Variants in IL1RAPL2 observed in about 807,000 individuals in gnomAD.
IL1RAPL2 encodes the protein X-linked interleukin-1 receptor accessory protein-like 2.
A neutral mutation model predicts 44.1 loss-of-function variants in IL1RAPL2; 3 were observed. That is an observed-to-expected ratio of 0.07 (90% confidence interval 0.03 to 0.18). IL1RAPL2 has a LOEUF of 0.18. Ranked by LOEUF, IL1RAPL2 falls within the 10% of genes least tolerant of loss-of-function variation. IL1RAPL2 has a pLI of 1.00. For synonymous variants in IL1RAPL2, 181 were observed against 178.8 expected (o/e 1.01, Z -0.10); for missense variants, 391 against 496.4 (o/e 0.79, Z 2.02).
chrX:104,569,795 A>G (rs1269888475), intron 1 of IL1RAPL2, among the ~76,000 whole-genome samples: 1 of 112,527 alleles, frequency 8.9e-6, no homozygotes, highest in Non-Finnish European at 1.9e-5. Flanking sequence ...GGTTGAAATG[A>G]TCGTATACTT....
intron 6 of IL1RAPL2, among the ~76,000 whole-genome samples, chrX:105,622,014 T>A (rs1172250878): frequency 9.1e-6 from 1 of 109,977 alleles, no homozygotes; most frequent in African/African-American, 3.3e-5. Flanking sequence ...CAGTGGCACT[T>A]ACTCCTCTTC....
At position 105,285,169 on chromosome X, in the gene IL1RAPL2, A is replaced by G. The variant is rs140355813; in HGVS notation, c.697+17628A>G. Among the ~76,000 whole-genome samples the G allele has an allele frequency of 8.0e-3, 893 of 111,501 alleles. 8 individuals are homozygous for G. The highest frequency in any genetic ancestry group is 0.013 in the Non-Finnish European group (713 of 53,146). On this transcript the variant is annotated intron_variant, in intron 5 of 10. Transcript: ENST00000372582. The stretch of plus-strand genomic sequence containing the variant: ...TATTTTCTCATTTTAACTCAACTCA[A>G]TGAAGATCTTCTGAGTATCTTTTCT...
intron 2 of IL1RAPL2, among the ~76,000 whole-genome samples, chrX:104,709,243 C>T (rs1341587134): frequency 4.6e-5 from 5 of 109,204 alleles, no homozygotes; most frequent in Non-Finnish European, 7.6e-5. Flanking sequence ...AGAGAAGACA[C>T]TCTGAAATTT....
chrX:104,905,857 T>G (rs1318373698), intron 2 of IL1RAPL2, among the ~76,000 whole-genome samples: 2 of 110,849 alleles, frequency 1.8e-5, no homozygotes, highest in African/African-American at 6.6e-5. Flanking sequence ...ATTGGTAGCT[T>G]GATGGGGATG....
At chrX:104,992,232 A>G (rs12687147) in intron 2 of IL1RAPL2, among the ~76,000 whole-genome samples, 46,333 of 110,000 alleles carry the variant, frequency 0.42, 7,146 homozygotes, top group East Asian at 0.46. Context: ...GATACTAAGT[A>G]GAGAGTGACA....
rs1050054081 is a variant in IL1RAPL2, at chrX:105,398,496, G to A, written c.698-85817G>A. 5.4e-5 allele frequency among the ~76,000 whole-genome samples: 6 copies of A among 110,259 alleles called. No individual in the cohort carries two copies. In the East Asian group the frequency reaches 1.7e-3, roughly 32 times the overall value. On this transcript the variant is annotated intron_variant, in intron 5 of 10. Coordinates refer to ENST00000372582, the MANE Select transcript of IL1RAPL2 (RefSeq NM_017416.2). The stretch of plus-strand genomic sequence containing the variant: ...AAAGATATATTTGATTTTTTTGTGT[G>A]TGTGTGTATGTAATTAGGAATGACC...
At chrX:105,197,471 T>A (rs1488243453) in intron 3 of IL1RAPL2, among the ~76,000 whole-genome samples, 2 of 111,881 alleles carry the variant, frequency 1.8e-5, no homozygotes, top group Non-Finnish European at 1.9e-5. Flanking sequence ...TTACAATGAA[T>A]TATTAAACAA....
intron 2 of IL1RAPL2, among the ~76,000 whole-genome samples, chrX:104,784,865 CAGG>C (rs1932790604): frequency 9.1e-6 from 1 of 109,691 alleles, no homozygotes; most frequent in African/African-American, 3.3e-5. Context: ...AGAGCAGAGG[CAGG>C]AGAAGAAGTT....
At chrX:105,244,197 A>C (rs1333743554) in intron 4 of IL1RAPL2, among the ~76,000 whole-genome samples, 1 of 111,170 alleles carries the variant, frequency 9.0e-6, no homozygotes, top group Non-Finnish European at 1.9e-5. Context: ...GAAGGAACTC[A>C]GTTCTTCAGA....
At chrX:104,822,075 C>T (rs1188076185) in intron 2 of IL1RAPL2, among the ~76,000 whole-genome samples, 1 of 111,667 alleles carries the variant, frequency 9.0e-6, no homozygotes, top group Non-Finnish European at 1.9e-5. Flanking sequence ...ATCCTTTGCC[C>T]AGTTTCTGAT....
intron 2 of IL1RAPL2, among the ~76,000 whole-genome samples, chrX:104,735,781 A>C (rs1331703779): frequency 9.0e-6 from 1 of 111,497 alleles, no homozygotes; most frequent in African/African-American, 3.3e-5. Context: ...TCATTGTGTC[A>C]AACTATGATG....
intron 2 of IL1RAPL2, among the ~76,000 whole-genome samples, chrX:105,039,404 C>T (rs1217524786): frequency 2.7e-5 from 3 of 111,809 alleles, no homozygotes; most frequent in Admixed American, 9.5e-5. Context: ...TCCAAGTCTG[C>T]ACAAATGTAA....
At chrX:105,219,916 A>G in intron 3 of IL1RAPL2, 1 of 1,133,037 alleles carries the variant, frequency 8.8e-7, no homozygotes, top group Non-Finnish European at 1.2e-6. Flanking sequence ...GGTACTGGGC[A>G]GGGACCAGTT....
chrX:104,929,091 T>C (rs895484866), intron 2 of IL1RAPL2, among the ~76,000 whole-genome samples: 6 of 111,264 alleles, frequency 5.4e-5, no homozygotes, highest in Admixed American at 9.6e-5. Context: ...AAAATCAAGG[T>C]TATACTTTCC....
intron 2 of IL1RAPL2, among the ~76,000 whole-genome samples, chrX:105,145,756 A>T (rs2033174014): frequency 9.0e-6 from 1 of 111,048 alleles, no homozygotes; most frequent in South Asian, 3.8e-4. Flanking sequence ...TTTGCTACTA[A>T]AACTATATAG....
At chrX:105,650,353 C>G (rs1389381316) in intron 6 of IL1RAPL2, among the ~76,000 whole-genome samples, 1 of 111,738 alleles carries the variant, frequency 8.9e-6, no homozygotes, top group Non-Finnish European at 1.9e-5. Context: ...ATGGCACTTT[C>G]ACAGCGTGGT....
At chrX:105,388,854 T>C (rs958826465) in intron 5 of IL1RAPL2, among the ~76,000 whole-genome samples, 1 of 111,583 alleles carries the variant, frequency 9.0e-6, no homozygotes, top group Non-Finnish European at 1.9e-5. Context: ...TCTTATTACA[T>C]AAAAGGGGTA....
At chrX:104,922,702 A>G (rs1924675258) in intron 2 of IL1RAPL2, among the ~76,000 whole-genome samples, 1 of 111,966 alleles carries the variant, frequency 8.9e-6, no homozygotes, top group Non-Finnish European at 1.9e-5. Context: ...AGAAAGTGAC[A>G]GCTTCTACAC....
chrX:105,519,153 C>T lies in IL1RAPL2; in HGVS notation c.772+34766C>T, dbSNP rs73529003. ...TCCTTTCCACCATATAACCTTTTCT[C>T]AAAGTGTGTGAATGTGCAAGGTGCT... On this transcript the variant is annotated intron_variant, in intron 6 of 10. Transcript: ENST00000372582. 4.5e-3 allele frequency among the ~76,000 whole-genome samples: 503 copies of T among 112,002 alleles called. 4 individuals are homozygous for T. Among genetic ancestry groups the T allele is most frequent in the African/African-American group, 0.016 (479 of 30,871 alleles).
Sources: allele counts gnomAD v4.1 joint callset (sites outside exome capture counted in the v4.1 genomes callset), GRCh38; gene constraint gnomAD v4.1.1; transcripts MANE v1.5; gene names NCBI Gene and HGNC (gene_info 2026-07-23, HGNC 2026-07-21).